The following HK2 variants were observed in gnomAD, a reference collection of about 807,000 sequenced individuals.
The protein encoded by HK2 is hexokinase 2.
A neutral mutation model predicts 92.9 loss-of-function variants in HK2; 42 were observed. The observed-to-expected ratio is 0.45, with a 90% CI of 0.35 to 0.58. HK2 has a LOEUF of 0.58. HK2 is among the 20% of genes least tolerant of loss of function. The pLI is 0.00. For missense variants in HK2, 978 were observed against 1,245.1 expected, an observed-to-expected ratio of 0.79 and a Z score of 3.23; for synonymous variants, 422 against 468.0, an observed-to-expected ratio of 0.90 and a Z score of 1.27.
At chr2:74,858,832 C>T (rs563802847) in intron 2 of HK2, among the ~76,000 whole-genome samples, 2 of 152,202 alleles carry the variant, frequency 1.3e-5, no homozygotes, top group South Asian at 4.1e-4. Context: ...CTCCCCATCA[C>T]GGCTTATGGG....
chr2:74,871,437 C>T (rs1689096358), intron 3 of HK2, among the ~76,000 whole-genome samples: 1 of 152,226 alleles, frequency 6.6e-6, no homozygotes, highest in Non-Finnish European at 1.5e-5. Flanking sequence ...CTAGTCTCAG[C>T]CTTCACCTAA....
intron 2 of HK2, among the ~76,000 whole-genome samples, chr2:74,864,132 C>T (rs1688894953): frequency 6.6e-6 from 1 of 152,224 alleles, no homozygotes; most frequent in African/African-American, 2.4e-5. Flanking sequence ...CTCAGCTCAA[C>T]TGTGGCAGCA....
chr2:74,889,517 T>C (rs1222366532), intron 17 of HK2, 39 bp downstream of exon 17: 2 of 1,315,358 alleles, frequency 1.5e-6, no homozygotes, highest in Admixed American at 3.9e-5. Context: ...CTACCTTCTT[T>C]CTGTCTTTGT....
At position 74,887,913 on chromosome 2, in the gene HK2, A is replaced by G. The variant is rs1192272667; in HGVS notation, c.2230A>G (p.Met744Val). 1 of 1,613,838 alleles carries G rather than the reference A, an allele frequency of 6.2e-7. No individual in the cohort carries two copies. Among genetic ancestry groups the G allele is most frequent in the Admixed American group, 1.7e-5 (1 of 60,026 alleles). The part of the protein sequence containing the change: ...LNPGKQRFEK[M>V]ISGMYLGEIV... ...TTACTTGCATTGCAGGTTCGAGAAA[A>G]TGATCAGTGGAATGTACCTGGGTGA... Residue 744 changes from methionine to valine, a missense_variant, in exon 16 of 18, where the codon ATG (methionine) becomes GTG (valine). By Grantham distance (21) the Met-to-Val change is conservative. This residue lies in a region of HK2 where 742 missense variants were observed against 922.5 expected (regional missense o/e 0.80). Coordinates refer to ENST00000290573, the MANE Select transcript of HK2 (RefSeq NM_000189.5).
chr2:74,871,185 G>A (rs1689089931), intron 3 of HK2, among the ~76,000 whole-genome samples: 1 of 152,196 alleles, frequency 6.6e-6, no homozygotes. Context: ...TGTGGGGGCG[G>A]GCCTAGACCC....
intron 1 of HK2, among the ~76,000 whole-genome samples, chr2:74,840,215 C>T (rs1007803871): frequency 1.5e-4 from 22 of 151,096 alleles, no homozygotes; most frequent in African/African-American, 5.1e-4. Flanking sequence ...CCTAGGCCTC[C>T]CAAAGTACTG....
At position 74,891,712 on chromosome 2, in the gene HK2, C is replaced by T. The variant is rs1689683490; in HGVS notation, c.*771C>T. 6.6e-6 allele frequency: 1 copy of T among 150,750 alleles called. No individual in the cohort carries two copies. The highest frequency in any genetic ancestry group is 2.5e-5 in the African/African-American group (1 of 40,446). The allele number at this position is 150,750 out of a possible 1,614,324, so 9.3% of individuals were successfully genotyped here. On this transcript the variant is annotated 3_prime_UTR_variant, in exon 18 of 18. Coordinates refer to ENST00000290573, the MANE Select transcript of HK2 (RefSeq NM_000189.5). The stretch of plus-strand genomic sequence containing the variant: ...AATTTTTCCTGCAAAAGTGGAATCA[C>T]TGTATTTTCATTTTAATTTATATTT...
intron 10 of HK2, 81 bp from the exon 11 acceptor site, chr2:74,881,630 A>C: frequency 7.2e-7 from 1 of 1,394,770 alleles, no homozygotes; most frequent in Non-Finnish European, 1.0e-6. Context: ...GGAATGGTGT[A>C]TTTGGATCGT....
At chr2:74,836,856 T>C (rs1420105203) in intron 1 of HK2, among the ~76,000 whole-genome samples, 1 of 152,162 alleles carries the variant, frequency 6.6e-6, no homozygotes, top group African/African-American at 2.4e-5. Context: ...TGAAAAGACC[T>C]TTTGATTTGG....
chr2:74,874,706 G>A (rs1689184726), intron 7 of HK2, among the ~76,000 whole-genome samples: 1 of 152,242 alleles, frequency 6.6e-6, no homozygotes, highest in Non-Finnish European at 1.5e-5. Context: ...CTGAGTGTAA[G>A]TGGGTGGCCC....
chr2:74,863,109 CTG>C (rs1362414624), intron 2 of HK2, among the ~76,000 whole-genome samples: 1 of 152,196 alleles, frequency 6.6e-6, no homozygotes, highest in Non-Finnish European at 1.5e-5. Context: ...TTACACCTCT[CTG>C]TGACTGGCAC....
At chr2:74,863,970 G>A (rs906731439) in intron 2 of HK2, among the ~76,000 whole-genome samples, 5 of 152,230 alleles carry the variant, frequency 3.3e-5, no homozygotes, top group African/African-American at 1.2e-4. Flanking sequence ...AGGCTCTAAG[G>A]TTGGATCAAA....
chr2:74,877,510 T>C (rs1241308653), intron 8 of HK2, among the ~76,000 whole-genome samples, 189 bp downstream of exon 8: 2 of 152,088 alleles, frequency 1.3e-5, no homozygotes, highest in Admixed American at 6.5e-5. Context: ...TCGATTTCGA[T>C]TGTGATTGCT....
At chr2:74,881,675 G>GC in intron 10 of HK2, 36 bp from the exon 11 acceptor site, 1 of 1,612,150 alleles carries the variant, frequency 6.2e-7, no homozygotes. Flanking sequence ...CCCATGTTCT[G>GC]CCCCAACTTA....
At chr2:74,868,909 C>T (rs1689028130) in intron 3 of HK2, among the ~76,000 whole-genome samples, 1 of 152,194 alleles carries the variant, frequency 6.6e-6, no homozygotes, top group Non-Finnish European at 1.5e-5. Context: ...GGGCCAGGCA[C>T]CTTGCAGTCC....
chr2:74,834,561 C>A lies in HK2; in HGVS notation c.-20C>A. 6.2e-7 allele frequency: 1 copy of A among 1,613,500 alleles called. No homozygotes were observed. The highest frequency in any genetic ancestry group is 8.5e-7 in the Non-Finnish European group (1 of 1,179,488). On this transcript the variant is annotated 5_prime_UTR_variant, in exon 1 of 18. Coordinates refer to ENST00000290573, the MANE Select transcript of HK2 (RefSeq NM_000189.5). The surrounding 1 kb of genome is among the most constrained non-coding windows in gnomAD (Gnocchi z 4.2). ...TCTCCGCCTCGGTTTCCCAACTCTG[C>A]GCCGTCGGGCCGCGGCAGGATGATT...
In HK2 at chr2:74,873,732, G is replaced by T. The variant is rs1689155199; in HGVS notation, c.592-112G>T. On this transcript the variant is annotated intron_variant, in intron 5 of 17. Coordinates refer to ENST00000290573, the MANE Select transcript of HK2 (RefSeq NM_000189.5). Reference sequence around the variant, plus strand: ...ACAGGAGGAGTTATGGGGAGGGAGGGGGGAGAGAGAGAGAAGGAGGAGGAG... The same window carrying T: ...ACAGGAGGAGTTATGGGGAGGGAGGTGGGAGAGAGAGAGAAGGAGGAGGAG... 5.6e-6 allele frequency: 4 copies of T among 719,736 alleles called. No individual in the cohort carries two copies. In the South Asian group the frequency reaches 5.9e-5, roughly 11 times the overall value. 44.6% of individuals were successfully genotyped at this position (719,736 alleles called of 1,614,324 possible). A position where few individuals can be genotyped will look rare whatever the true frequency, so the allele number is the denominator to read the frequency against.
intron 1 of HK2, among the ~76,000 whole-genome samples, chr2:74,835,536 C>CG (rs1688141565): frequency 6.8e-6 from 1 of 147,758 alleles, no homozygotes; most frequent in Non-Finnish European, 1.5e-5. Flanking sequence ...TCACCGCGGC[C>CG]GGGTCATTTA....
At chr2:74,837,377 G>A (rs181629561) in intron 1 of HK2, among the ~76,000 whole-genome samples, 30 of 152,338 alleles carry the variant, frequency 2.0e-4, no homozygotes, top group Admixed American at 1.4e-3. Flanking sequence ...ACCACAGATG[G>A]AACTAGCTCT....
Sources: allele counts gnomAD v4.1 joint callset (sites outside exome capture counted in the v4.1 genomes callset), GRCh38; gene constraint gnomAD v4.1.1; regional missense constraint gnomAD v4.1.1; non-coding constraint Gnocchi (gnomAD v3.1); transcripts MANE v1.5; gene names NCBI Gene and HGNC (gene_info 2026-07-23, HGNC 2026-07-21).